Variants in PSMA6 observed in about 807,000 individuals in gnomAD.
PSMA6 encodes the protein proteasome 20S subunit alpha 6.
For synonymous variants in PSMA6, 88 were observed against 97.7 expected, an observed-to-expected ratio of 0.90 and a Z score of 0.59; for missense variants, 170 against 294.8, an observed-to-expected ratio of 0.58 and a Z score of 3.10.
chr14:35,291,936 C>T (rs1375468033), upstream of PSMA6, among the ~76,000 whole-genome samples: 1 of 152,024 alleles, frequency 6.6e-6, no homozygotes, highest in Admixed American at 6.6e-5. Flanking sequence ...CTTGAACCCG[C>T]TTCCTTCAGT....
At chr14:35,300,875 A>G (rs1266765957) in intron 1 of PSMA6, among the ~76,000 whole-genome samples, 1 of 152,264 alleles carries the variant, frequency 6.6e-6, no homozygotes, top group African/African-American at 2.4e-5. Context: ...GGTTAGTAAT[A>G]CAATTATGAA....
At chr14:35,314,067 A>G (rs1184867854) in intron 5 of PSMA6, 1 of 175,344 alleles carries the variant, frequency 5.7e-6, no homozygotes, top group African/African-American at 2.4e-5. Flanking sequence ...TCCTTTTCCC[A>G]TTTCACCCCA....
chr14:35,295,866 C>G (rs1249525929), intron 1 of PSMA6, among the ~76,000 whole-genome samples: 2 of 152,176 alleles, frequency 1.3e-5, no homozygotes, highest in African/African-American at 4.8e-5. Flanking sequence ...GCCCAAGTTA[C>G]TAGAGGGAGG....
At chr14:35,296,784 C>T (rs2051598002) in intron 1 of PSMA6, among the ~76,000 whole-genome samples, 1 of 152,152 alleles carries the variant, frequency 6.6e-6, no homozygotes, top group African/African-American at 2.4e-5. Context: ...TTTCTCAACC[C>T]AGGCTTCTCA....
upstream of PSMA6, among the ~76,000 whole-genome samples, chr14:35,291,434 A>T (rs1322209351): frequency 6.6e-6 from 1 of 151,990 alleles, no homozygotes; most frequent in Non-Finnish European, 1.5e-5. Flanking sequence ...GTTAGCCAGG[A>T]TGGTCTCAAT....
At chr14:35,279,007 A>C (rs1252763889) in intron 1 of PSMA6, among the ~76,000 whole-genome samples, 1 of 151,894 alleles carries the variant, frequency 6.6e-6, no homozygotes, top group Non-Finnish European at 1.5e-5. Context: ...AAAATGAAAA[A>C]TTTTCCCTGT....
chr14:35,291,262 G>A (rs1484292900), upstream of PSMA6, among the ~76,000 whole-genome samples: 1 of 150,596 alleles, frequency 6.6e-6, no homozygotes, highest in Non-Finnish European at 1.5e-5. Context: ...CTGTCGCCCA[G>A]GCTGGAGTGC....
upstream of PSMA6, among the ~76,000 whole-genome samples, chr14:35,291,766 T>G (rs1469851979): frequency 7.2e-6 from 1 of 138,190 alleles, no homozygotes; most frequent in Non-Finnish European, 1.5e-5. Flanking sequence ...GAGGTTGCAG[T>G]CAGCCGAGAT....
chr14:35,283,422 G>A (rs1441880959), intron 1 of PSMA6, among the ~76,000 whole-genome samples: 1 of 151,808 alleles, frequency 6.6e-6, no homozygotes, highest in Admixed American at 6.6e-5. Flanking sequence ...TGTCTGGAAG[G>A]AATAACATTT....
rs186794633 is a variant in PSMA6, at chr14:35,308,904, T to G, written c.172-10T>G. The G allele has an allele frequency of 4.6e-4, 720 of 1,572,524 alleles. 3 individuals carry two copies. The African/African-American group carries it at 8.8e-3, about 19-fold the overall frequency. ...TTTAAAAAATTATCTTTGTTTATTT[T>G]GTTTATTAGGACAAATTATTGGATT... On this transcript the variant is annotated splice_polypyrimidine_tract_variant and intron_variant, in intron 2 of 6. Coordinates refer to ENST00000261479, the MANE Select transcript of PSMA6 (RefSeq NM_002791.3).
At chr14:35,301,948 G>A (rs1282868592) in intron 1 of PSMA6, among the ~76,000 whole-genome samples, 1 of 151,572 alleles carries the variant, frequency 6.6e-6, no homozygotes, top group African/African-American at 2.4e-5. Flanking sequence ...GGTGGGACCT[G>A]TGGAAAACTG....
intron 1 of PSMA6, among the ~76,000 whole-genome samples, chr14:35,299,052 G>T (rs1395828812): frequency 2.1e-5 from 3 of 145,104 alleles, no homozygotes. Flanking sequence ...TTTGAGACAG[G>T]GTCTCACTCT....
intron 4 of PSMA6, among the ~76,000 whole-genome samples, chr14:35,312,199 TA>T (rs35606504): frequency 0.71 from 69,435 of 97,502 alleles, 23,236 homozygotes; most frequent in East Asian, 0.87. Flanking sequence ...CCTCGTCTCC[TA>T]AAAAAAAAAA....
upstream of PSMA6, chr14:35,292,291 T>G: frequency 7.1e-7 from 1 of 1,412,218 alleles, no homozygotes; most frequent in Non-Finnish European, 9.2e-7. Context: ...ACCACCCCCT[T>G]AGGGGGCGGG....
chr14:35,314,739 GT>G (rs1566564415), intron 6 of PSMA6: 4 of 171,982 alleles, frequency 2.3e-5, no homozygotes, highest in Non-Finnish European at 4.6e-5. Context: ...TAGCATAAGT[GT>G]TTTCTTTTTT....
chr14:35,313,113 T>A, intron 5 of PSMA6, 54 bp downstream of exon 5: 1 of 1,419,524 alleles, frequency 7.0e-7, no homozygotes, highest in Non-Finnish European at 9.4e-7. Flanking sequence ...ACAGTGAGGA[T>A]CTTTGTATAA....
At chr14:35,298,888 C>T (rs2051652343) in intron 1 of PSMA6, among the ~76,000 whole-genome samples, 1 of 152,088 alleles carries the variant, frequency 6.6e-6, no homozygotes, top group African/African-American at 2.4e-5. Context: ...CGCGCACCAC[C>T]ATACCTGGCT....
intron 1 of PSMA6, among the ~76,000 whole-genome samples, chr14:35,283,852 A>C (rs1368305251): frequency 6.6e-6 from 1 of 152,192 alleles, no homozygotes; most frequent in Non-Finnish European, 1.5e-5. Flanking sequence ...ATAGATAGGC[A>C]TGAGCCACCA....
chr14:35,279,580 A>G (rs1426410269), intron 1 of PSMA6, among the ~76,000 whole-genome samples: 1 of 152,164 alleles, frequency 6.6e-6, no homozygotes, highest in Non-Finnish European at 1.5e-5. Context: ...TTCTGGCAGG[A>G]GTGGTCAAAT....
Sources: gnomAD v4.1 joint callset for allele counts (sites outside exome capture counted in the v4.1 genomes callset) on GRCh38, gnomAD v4.1.1 for gene constraint, MANE v1.5 for transcripts, NCBI Gene and HGNC (gene_info 2026-07-23, HGNC 2026-07-21) for gene names.